CLUAP1: variants seen among roughly 807,000 people sequenced by gnomAD.
The protein encoded by CLUAP1 is clusterin-associated protein 1.
Under a neutral mutation model 55.0 loss-of-function variants are expected in CLUAP1, and 50 were observed. The ratio of observed to expected loss-of-function variants is 0.91; its 90% CI spans 0.72 to 1.15. CLUAP1 has a LOEUF of 1.15. CLUAP1 is among the 50% of genes most tolerant of loss of function. CLUAP1 has a pLI of 0.00. For missense variants in CLUAP1, 530 were observed against 507.6 expected (o/e 1.04, Z -0.42); for synonymous variants, 195 against 175.4 (o/e 1.11, Z -0.88).
rs775483040 is a variant in CLUAP1, at chr16:3,536,188, G to A, written c.1159G>A (p.Glu387Lys). 6.8e-6 allele frequency: 11 copies of A among 1,614,156 alleles called. No individual in the cohort carries two copies. The Admixed American group carries it at 8.3e-5, about 12-fold the overall frequency. ...DDDEDDDLED[E>K]SISLSPTKPN... ...TGACGAGGATGACGATTTGGAAGAC[G>A]AGAGCATTTCTCTCTCACCAACCAA... Residue 387 changes from glutamate to lysine, a missense_variant, in exon 12 of 12, where the codon GAG (glutamate) becomes AAG (lysine). Glu to Lys is a moderately conservative substitution (Grantham distance 56). Coordinates refer to ENST00000576634, the MANE Select transcript of CLUAP1 (RefSeq NM_015041.3).
At chr16:3,506,922 TGTG>T (rs1442688661) in intron 3 of CLUAP1, among the ~76,000 whole-genome samples, 1 of 152,086 alleles carries the variant, frequency 6.6e-6, no homozygotes, top group African/African-American at 2.4e-5. Flanking sequence ...TTATGCCAGG[TGTG>T]GTGGCTCACG....
upstream of CLUAP1, among the ~76,000 whole-genome samples, chr16:3,498,105 G>T (rs536431536): frequency 1.3e-5 from 2 of 152,200 alleles, no homozygotes; most frequent in South Asian, 4.2e-4. Flanking sequence ...AGGGGTGGGG[G>T]TGAGGGCTGG....
intron 4 of CLUAP1, among the ~76,000 whole-genome samples, chr16:3,511,420 A>C (rs1370633318): frequency 2.0e-5 from 3 of 152,210 alleles, no homozygotes; most frequent in Non-Finnish European, 4.4e-5. Context: ...CCTTCCTGGC[A>C]ACAGCTGCCC....
At chr16:3,502,442 TA>T (rs74268721) in intron 1 of CLUAP1, among the ~76,000 whole-genome samples, 5,804 of 129,880 alleles carry the variant, frequency 0.045, 159 homozygotes, top group African/African-American at 0.087. Flanking sequence ...AGACTGTCTT[TA>T]AAAAAAAAAA....
chr16:3,531,337 G>A (rs56318071), intron 10 of CLUAP1, among the ~76,000 whole-genome samples: 2,231 of 152,178 alleles, frequency 0.015, 61 homozygotes, highest in African/African-American at 0.052. Context: ...TGGCTAACAC[G>A]GTGAAACCCC....
At chr16:3,516,241 G>A (rs1333255885) in intron 6 of CLUAP1, among the ~76,000 whole-genome samples, 1 of 152,132 alleles carries the variant, frequency 6.6e-6, no homozygotes, top group Non-Finnish European at 1.5e-5. Context: ...AGTCATCACT[G>A]GTGATTTATT....
At chr16:3,529,734 TTATTATA>T (rs61390622) in intron 9 of CLUAP1, among the ~76,000 whole-genome samples, 6 of 24,670 alleles carry the variant, frequency 2.4e-4, no homozygotes, top group East Asian at 4.6e-3. Flanking sequence ...ATTATATATA[TTATTATA>T]TATTATATAT....
At chr16:3,506,134 A>G (rs1202948473) in intron 2 of CLUAP1, among the ~76,000 whole-genome samples, 197 bp from the exon 3 acceptor site, 1 of 152,168 alleles carries the variant, frequency 6.6e-6, no homozygotes, top group Non-Finnish European at 1.5e-5. Context: ...AGTTTTTGAA[A>G]TCTGTTTTTC....
At chr16:3,534,031 G>T (rs566450483) in intron 11 of CLUAP1, 1 of 152,348 alleles carries the variant, frequency 6.6e-6, no homozygotes, top group Admixed American at 6.5e-5. Context: ...CAGGCACAGG[G>T]TTCCATGCTT....
intron 1 of CLUAP1, among the ~76,000 whole-genome samples, chr16:3,504,352 A>T (rs1388318198): frequency 6.6e-6 from 1 of 152,236 alleles, no homozygotes; most frequent in African/African-American, 2.4e-5. Flanking sequence ...ATTTGAGTCA[A>T]ACCACTGTTG....
intron 1 of CLUAP1, 136 bp downstream of exon 1, chr16:3,501,225 C>T (rs2037392875): frequency 3.5e-6 from 3 of 853,648 alleles, no homozygotes; most frequent in Admixed American, 2.7e-5. Flanking sequence ...GCCTCAGGGA[C>T]CGCCTGACCC....
chr16:3,526,844 A>G (rs944150996), intron 9 of CLUAP1, among the ~76,000 whole-genome samples: 2 of 152,186 alleles, frequency 1.3e-5, no homozygotes, highest in South Asian at 4.1e-4. Flanking sequence ...TGAATTATAT[A>G]TGATGCGTAA....
Position 3,538,911 on chromosome 16 carries a change from A to T in CLUAP1, c.*2640A>T, listed in dbSNP as rs1378800736. 1 of 152,212 alleles carries T rather than the reference A, an allele frequency of 6.6e-6. No homozygotes were observed. The highest frequency in any genetic ancestry group is 2.4e-5 in the African/African-American group (1 of 41,462). 9.4% of individuals were successfully genotyped at this position (152,212 alleles called of 1,614,324 possible). A position where few individuals can be genotyped will look rare whatever the true frequency, so the allele number is the denominator to read the frequency against. On this transcript the variant is annotated 3_prime_UTR_variant, in exon 12 of 12. Transcript: ENST00000576634. ...GAGCAGACCTCAGGACCTAACGAGG[A>T]TGGTTGTGATTAGGTCAAATAGAAA... is the stretch of plus-strand genomic sequence containing the variant.
chr16:3,522,101 G>A (rs73503357), intron 7 of CLUAP1, among the ~76,000 whole-genome samples: 5,876 of 152,106 alleles, frequency 0.039, 309 homozygotes, highest in African/African-American at 0.12. Context: ...GTAACAACCT[G>A]TGGTCCCCTT....
chr16:3,501,000 G>A, upstream of CLUAP1: 2 of 1,521,358 alleles, frequency 1.3e-6, no homozygotes, highest in South Asian at 1.2e-5. Context: ...AGAGATCGTC[G>A]AGCGCTGGGC....
chr16:3,529,557 ATTATT>A, intron 9 of CLUAP1, among the ~76,000 whole-genome samples: 1 of 53,922 alleles, frequency 1.9e-5, no homozygotes, highest in African/African-American at 8.3e-5. Context: ...TATATTATAT[ATTATT>A]ATATATTATA....
chr16:3,529,752 T>A (rs1431496167), intron 9 of CLUAP1, among the ~76,000 whole-genome samples: 1 of 48,174 alleles, frequency 2.1e-5, no homozygotes, highest in African/African-American at 8.9e-5. Flanking sequence ...TATTATATAT[T>A]ATATAATATA....
intron 7 of CLUAP1, 42 bp from the exon 8 acceptor site, chr16:3,523,116 A>G: frequency 3.5e-5 from 55 of 1,553,818 alleles, no homozygotes; most frequent in Non-Finnish European, 4.5e-5. Context: ...AAACTACTGC[A>G]TATAATTCAC....
At chr16:3,496,018 G>A (rs2037304107), upstream of CLUAP1, among the ~76,000 whole-genome samples, 1 of 152,112 alleles carries the variant, frequency 6.6e-6, no homozygotes, top group South Asian at 2.1e-4. Flanking sequence ...GCGGGAGCCT[G>A]TAGTCCCAGT....
Sources: allele counts gnomAD v4.1 joint callset (sites outside exome capture counted in the v4.1 genomes callset), GRCh38; gene constraint gnomAD v4.1.1; transcripts MANE v1.5; gene names NCBI Gene and HGNC (gene_info 2026-07-23, HGNC 2026-07-21).